Variants in RIMS1 observed in about 807,000 individuals in gnomAD.
RIMS1 encodes the protein regulating synaptic membrane exocytosis protein 1.
RIMS1 carries 83 observed loss-of-function variants against 214.1 expected under a neutral mutation model. That is an observed-to-expected ratio of 0.39 (90% CI 0.32 to 0.47). RIMS1 has a LOEUF of 0.47. RIMS1 is among the 20% of genes least tolerant of loss of function. The pLI is 0.99. For missense variants in RIMS1, 2,050 were observed against 2,161.8 expected (o/e 0.95, Z 1.03); for synonymous variants, 793 against 786.8 (o/e 1.01, Z -0.13).
chr6:72,117,606 A>G (rs1037412711), intron 4 of RIMS1, among the ~76,000 whole-genome samples: 1 of 152,018 alleles, frequency 6.6e-6, no homozygotes, highest in African/African-American at 2.4e-5. Context: ...AAAACTGGAA[A>G]GCAACTCTAA....
intron 1 of RIMS1, among the ~76,000 whole-genome samples, chr6:71,925,044 A>G (rs1186073969): frequency 6.6e-6 from 1 of 152,188 alleles, no homozygotes; most frequent in Non-Finnish European, 1.5e-5. Context: ...ACTCAAGTGC[A>G]TACATCAATG....
In RIMS1 at chr6:72,366,459, A is replaced by G. The variant is rs188271884; in HGVS notation, c.4367-24139A>G. 8.3e-4 allele frequency among the ~76,000 whole-genome samples: 127 copies of G among 152,306 alleles called. 1 individual carries two copies. Among genetic ancestry groups the G allele is most frequent in the African/African-American group, 2.9e-3 (120 of 41,574 alleles). On this transcript the variant is annotated intron_variant, in intron 29 of 33. Coordinates refer to ENST00000521978, the MANE Select transcript of RIMS1 (RefSeq NM_014989.7). ...TCAATAAAGTAGGCAACATATTTTC[A>G]TTTCATTTGATTTAAATGTCTTTGT...
chr6:71,970,463 G>A (rs936708310), intron 2 of RIMS1, among the ~76,000 whole-genome samples: 3 of 152,152 alleles, frequency 2.0e-5, no homozygotes, highest in South Asian at 2.1e-4. Flanking sequence ...TCCACGTATC[G>A]AGGTTTCATT....
chr6:72,066,261 G>A (rs757723859), intron 2 of RIMS1, among the ~76,000 whole-genome samples: 6 of 152,054 alleles, frequency 3.9e-5, no homozygotes, highest in Non-Finnish European at 5.9e-5. Context: ...AGTTTTCTTC[G>A]TTGCTTTCCA....
intron 30 of RIMS1, among the ~76,000 whole-genome samples, 200 bp from the exon 31 acceptor site, chr6:72,392,498 T>C (rs918593946): frequency 6.6e-6 from 1 of 152,154 alleles, no homozygotes; most frequent in African/African-American, 2.4e-5. Flanking sequence ...GGTGTTAAAT[T>C]GAGAGTTTAC....
intron 2 of RIMS1, among the ~76,000 whole-genome samples, chr6:72,078,258 C>T (rs976217636): frequency 6.6e-5 from 10 of 152,150 alleles, no homozygotes; most frequent in South Asian, 2.1e-4. Context: ...GACAAATTAG[C>T]GGTGCTCTTA....
rs1588631481 is a variant in RIMS1, at chr6:72,179,730, A to T, written c.627A>T (p.Lys209Asn). ...GCTCTGAGGTACCAAGAGAAAAGAA[A>T]GCACGACTCCAAGAGCGATCGCGGT... Reference protein sequence around the residue: ...GAGSEVPREKKARLQERSRSQ... With the variant: ...GAGSEVPREKNARLQERSRSQ... Residue 209 changes from lysine (K) to asparagine (N), a missense_variant, in exon 5 of 34, where the codon AAA (lysine) becomes AAT (asparagine). Physicochemically the swap from Lys to Asn is moderately conservative, Grantham distance 94. Around this residue, in one of 6 missense-constraint regions of RIMS1, gnomAD observed 882 missense variants for 828.9 expected, o/e 1.06. Coordinates refer to ENST00000521978, the MANE Select transcript of RIMS1 (RefSeq NM_014989.7). 6.2e-7 allele frequency: 1 copy of T among 1,613,936 alleles called. No homozygotes were observed. The highest frequency in any genetic ancestry group is 2.2e-5 in the East Asian group (1 of 44,868).
chr6:72,164,953 A>C lies in RIMS1; in HGVS notation c.472-14622A>C, dbSNP rs183968141. On this transcript the variant is annotated intron_variant, in intron 4 of 33. Coordinates refer to ENST00000521978, the MANE Select transcript of RIMS1 (RefSeq NM_014989.7). ...AAGGCCCCAACTCCAAATATATTTC[A>C]GATAAGGGCTTCAATAAATGAATCT... 2.0e-5 allele frequency among the ~76,000 whole-genome samples: 3 copies of C among 152,312 alleles called. No homozygotes were observed. In the East Asian group the frequency reaches 5.8e-4, roughly 29 times the overall value.
chr6:71,905,980 G>A (rs1562164325), intron 1 of RIMS1, among the ~76,000 whole-genome samples: 1 of 152,116 alleles, frequency 6.6e-6, no homozygotes, highest in Non-Finnish European at 1.5e-5. Context: ...GGGCTATAGG[G>A]ACAAAGTCCC....
At chr6:72,011,223 T>G (rs1389439340) in intron 2 of RIMS1, among the ~76,000 whole-genome samples, 7 of 152,132 alleles carry the variant, frequency 4.6e-5, no homozygotes. Flanking sequence ...AAACAAGAAA[T>G]GAAGAAAGGA....
chr6:72,332,907 GA>G (rs2096719752), intron 28 of RIMS1, among the ~76,000 whole-genome samples: 1 of 151,498 alleles, frequency 6.6e-6, no homozygotes, highest in East Asian at 2.0e-4. Context: ...TGATAGGAAA[GA>G]AAAAAATAAA....
intron 29 of RIMS1, among the ~76,000 whole-genome samples, chr6:72,388,924 A>G (rs2098658195): frequency 6.6e-6 from 1 of 152,188 alleles, no homozygotes; most frequent in African/African-American, 2.4e-5. Context: ...TGGAGCTACT[A>G]GGCAATTGGA....
intron 28 of RIMS1, among the ~76,000 whole-genome samples, chr6:72,328,096 C>T (rs1027251553): frequency 2.0e-5 from 3 of 151,642 alleles, no homozygotes; most frequent in Admixed American, 2.0e-4. Flanking sequence ...GAACATGTGG[C>T]ACATATACAC....
chr6:71,933,470 C>CA, intron 1 of RIMS1, among the ~76,000 whole-genome samples: 1 of 152,178 alleles, frequency 6.6e-6, no homozygotes, highest in Non-Finnish European at 1.5e-5. Context: ...AATTATCTGA[C>CA]AAAGTATTCA....
At chr6:72,162,495 C>G (rs1398411072) in intron 4 of RIMS1, among the ~76,000 whole-genome samples, 1 of 140,690 alleles carries the variant, frequency 7.1e-6, no homozygotes, top group Non-Finnish European at 1.6e-5. Context: ...ATGGTCTTTA[C>G]AATTTGGTAT....
At chr6:72,248,334 T>C (rs2071248342) in intron 12 of RIMS1, among the ~76,000 whole-genome samples, 1 of 152,212 alleles carries the variant, frequency 6.6e-6, no homozygotes, top group Non-Finnish European at 1.5e-5. Context: ...GCTTGCAGTG[T>C]GCCAGATACT....
At chr6:72,295,059 C>T (rs2093918678) in intron 26 of RIMS1, among the ~76,000 whole-genome samples, 2 of 151,676 alleles carry the variant, frequency 1.3e-5, no homozygotes, top group Admixed American at 1.3e-4. Flanking sequence ...TTTCTGAAGC[C>T]AACCAGTAAC....
At position 72,398,977 on chromosome 6, in the gene RIMS1, T is replaced by C; in HGVS notation, c.4743T>C (p.Leu1581=). The change falls in exon 33 of 34, where the codon CTT becomes CTC. Residue 1581 remains leucine (L), a synonymous_variant. Transcript: ENST00000521978. ...TAGCTCCATATGTCAAAGTATATCTTTTGGAAAATGGGGCCTGTATAGCCA... is the reference window on the plus strand; with the variant it reads ...TAGCTCCATATGTCAAAGTATATCTCTTGGAAAATGGGGCCTGTATAGCCA... ...STPAPYVKVY[L]LENGACIAKK... is the part of the protein sequence containing the mutation. 1 of 1,602,794 alleles carries C rather than the reference T, an allele frequency of 6.2e-7. No homozygotes were observed. Among genetic ancestry groups the C allele is most frequent in the Admixed American group, 1.7e-5 (1 of 59,924 alleles).
intron 27 of RIMS1, among the ~76,000 whole-genome samples, chr6:72,312,286 A>G (rs1237198351): frequency 6.6e-6 from 1 of 152,190 alleles, no homozygotes; most frequent in African/African-American, 2.4e-5. Context: ...TTGCTAAGAA[A>G]CAAACACCCA....
Sources: allele counts gnomAD v4.1 joint callset (sites outside exome capture counted in the v4.1 genomes callset), GRCh38; gene constraint gnomAD v4.1.1; regional missense constraint gnomAD v4.1.1; transcripts MANE v1.5; gene names NCBI Gene and HGNC (gene_info 2026-07-23, HGNC 2026-07-21).